RASGEF1B: variants seen among roughly 807,000 people sequenced by gnomAD.
RASGEF1B encodes RasGEF domain family member 1B.
RASGEF1B carries 30 observed loss-of-function variants against 65.7 expected under a neutral mutation model. That is an observed-to-expected ratio of 0.46 (90% confidence interval 0.34 to 0.62). The LOEUF (loss-of-function observed/expected upper bound fraction) is 0.62. Ranked by LOEUF, RASGEF1B falls within the 20% of genes least tolerant of loss-of-function variation. RASGEF1B has a pLI of 0.01. For synonymous variants in RASGEF1B, 175 were observed against 194.8 expected, an observed-to-expected ratio of 0.90 and a Z score of 0.85; for missense variants, 495 against 580.1, an observed-to-expected ratio of 0.85 and a Z score of 1.51.
chr4:81,435,676 C>T (rs565845848), intron 10 of RASGEF1B, among the ~76,000 whole-genome samples: 66 of 149,290 alleles, frequency 4.4e-4, no homozygotes, highest in East Asian at 3.6e-3. Context: ...AGGGTTTCAC[C>T]GTGTTAGCCA....
Position 81,459,491 on chromosome 4 carries a change from G to A in RASGEF1B, c.18C>T (p.Pro6=). The change falls in exon 2 of 14, where the codon CCC becomes CCT. Residue 6 remains proline, a synonymous_variant. Coordinates refer to ENST00000264400, the MANE Select transcript of RASGEF1B (RefSeq NM_152545.3). MPQTP[P]FSAMFDSSGY... is the part of the protein sequence containing the mutation. ...CACTGCTGTCAAACATTGCTGAAAA[G>A]GGAGGAGTCTGAGGCATACTTTCCT... is the stretch of plus-strand genomic sequence containing the variant. The A allele has an allele frequency of 6.2e-7, 1 of 1,600,806 alleles. No homozygotes were observed. The highest frequency in any genetic ancestry group is 2.2e-5 in the East Asian group (1 of 44,704).
At chr4:81,463,287 TAGAGATTCC>T (rs1186650872) in intron 1 of RASGEF1B, among the ~76,000 whole-genome samples, 1 of 152,182 alleles carries the variant, frequency 6.6e-6, no homozygotes, top group Non-Finnish European at 1.5e-5. Flanking sequence ...CATCAAGACA[TAGAGATTCC>T]AGAGATTCCA....
rs951850826 is a variant in RASGEF1B, at chr4:81,433,008, T to C, written c.1325-637A>G. 2.0e-5 allele frequency among the ~76,000 whole-genome samples: 3 copies of C among 150,950 alleles called. No individual in the cohort carries two copies. In the South Asian group the frequency reaches 6.3e-4, roughly 31 times the overall value. ...GTGGGCAGATCATGTGACCCAATAG[T>C]TGGAGACCAGCCTGGGCAACACAGA... On this transcript the variant is annotated intron_variant, in intron 12 of 13. Coordinates refer to ENST00000264400, the MANE Select transcript of RASGEF1B (RefSeq NM_152545.3).
chr4:81,458,094 C>T (rs1459429521), intron 2 of RASGEF1B, among the ~76,000 whole-genome samples: 5 of 152,202 alleles, frequency 3.3e-5, no homozygotes, highest in Admixed American at 3.3e-4. Flanking sequence ...AACAATTCTC[C>T]ACTGTGTCTA....
chr4:81,444,264 C>G (rs6814080), intron 8 of RASGEF1B, among the ~76,000 whole-genome samples: 66,626 of 152,026 alleles, frequency 0.44, 18,242 homozygotes, highest in African/African-American at 0.79. Context: ...GTAGAAGAGG[C>G]AAATTAAGTA....
At chr4:81,457,720 T>C in intron 2 of RASGEF1B, 99 bp from the exon 3 acceptor site, 1 of 1,361,718 alleles carries the variant, frequency 7.3e-7, no homozygotes, top group East Asian at 2.3e-5. Flanking sequence ...CCTGATCAAG[T>C]TCATATGCTG....
Position 81,446,267 on chromosome 4 carries a change from T to C in RASGEF1B, c.730-429A>G, listed in dbSNP as rs560345615. On this transcript the variant is annotated intron_variant, in intron 6 of 13. Transcript: ENST00000264400. ...GGCAGGTGCCTGTAATCCCAGCTAC[T>C]TGGGAGGCTGAAGCAGGAAAATCGC... 3.3e-5 allele frequency among the ~76,000 whole-genome samples: 5 copies of C among 152,284 alleles called. No individual in the cohort carries two copies. The East Asian group carries it at 9.7e-4, about 29-fold the overall frequency.
chr4:81,455,125 T>A (rs1722397804), intron 4 of RASGEF1B: 1 of 152,224 alleles, frequency 6.6e-6, no homozygotes, highest in African/African-American at 2.4e-5. Context: ...CAACAATTAA[T>A]ATACTTCCCC....
Position 81,456,731 on chromosome 4 carries a change from T to A in RASGEF1B, c.358A>T (p.Thr120Ser). 6.2e-7 allele frequency: 1 copy of A among 1,614,054 alleles called. No homozygotes were observed. The highest frequency in any genetic ancestry group is 8.5e-7 in the Non-Finnish European group (1 of 1,179,906). The change falls in exon 4 of 14, where the codon ACA (threonine) becomes TCA (serine). Residue 120 changes from threonine (T) to serine (S), a missense_variant. By Grantham distance (58) the Thr-to-Ser change is moderately conservative (BLOSUM62 1). Transcript: ENST00000264400. ...TCATCCCGAAAATCATAGGGAAATG[T>A]TTCCGTCCATTCCGTGAGGAGTTGA... is the stretch of plus-strand genomic sequence containing the variant. ...ILQLLTEWTE[T>S]FPYDFRDERM...
intron 13 of RASGEF1B, among the ~76,000 whole-genome samples, 185 bp downstream of exon 13, chr4:81,432,114 T>A (rs993189623): frequency 1.3e-5 from 2 of 151,898 alleles, no homozygotes; most frequent in African/African-American, 4.8e-5. Context: ...ATAAAAAAAA[T>A]GAAAGACAAT....
chr4:81,457,453 C>A, intron 3 of RASGEF1B, 46 bp downstream of exon 3: 2 of 1,602,052 alleles, frequency 1.2e-6, no homozygotes, highest in Non-Finnish European at 1.7e-6. Context: ...AAATCTAAGC[C>A]ATAAAGTAAG....
intron 10 of RASGEF1B, among the ~76,000 whole-genome samples, chr4:81,440,523 T>C (rs1229086606): frequency 6.6e-6 from 1 of 152,228 alleles, no homozygotes; most frequent in African/African-American, 2.4e-5. Context: ...CATTAAACCA[T>C]TAAACTAAAT....
intron 5 of RASGEF1B, among the ~76,000 whole-genome samples, 178 bp from the exon 6 acceptor site, chr4:81,447,756 G>C (rs1343100803): frequency 5.9e-5 from 9 of 152,088 alleles, no homozygotes; most frequent in African/African-American, 2.2e-4. Flanking sequence ...TTTTCTGCTT[G>C]GGTCAATGTT....
chr4:81,448,616 C>G (rs1426046958), intron 4 of RASGEF1B, among the ~76,000 whole-genome samples: 2 of 152,120 alleles, frequency 1.3e-5, no homozygotes, highest in African/African-American at 4.8e-5. Flanking sequence ...TCTGTTCCAG[C>G]AAAGAAATAT....
chr4:81,429,950 A>C (rs1721364206), intron 13 of RASGEF1B, among the ~76,000 whole-genome samples: 1 of 152,208 alleles, frequency 6.6e-6, no homozygotes, highest in Non-Finnish European at 1.5e-5. Context: ...TGGGCCACTG[A>C]GTGGCCCCAC....
At position 81,448,219 on chromosome 4, in the gene RASGEF1B, G is replaced by A; in HGVS notation, c.504C>T (p.Ser168=). 6.2e-7 allele frequency: 1 copy of A among 1,613,772 alleles called. No homozygotes were observed. Among genetic ancestry groups the A allele is most frequent in the South Asian group, 1.1e-5 (1 of 91,060 alleles). ...TTTTTGCCAGGACTTCTTCGTACTG[G>A]CTGAGCGCAGCAAGCTTGCGGATCA... The part of the protein sequence containing the change: ...QCLIRKLAAL[S]QYEEVLAKIS... The change falls in exon 5 of 14, where the codon AGC becomes AGT. Residue 168 remains serine (S), a synonymous_variant. Coordinates refer to ENST00000264400, the MANE Select transcript of RASGEF1B (RefSeq NM_152545.3).
At chr4:81,467,175 C>T (rs1246188237) in intron 1 of RASGEF1B, among the ~76,000 whole-genome samples, 1 of 152,122 alleles carries the variant, frequency 6.6e-6, no homozygotes, top group African/African-American at 2.4e-5. Flanking sequence ...CGCAATGAAA[C>T]AGTGATATTA....
chr4:81,428,886 T>C (rs985901910), intron 13 of RASGEF1B, among the ~76,000 whole-genome samples: 5 of 152,264 alleles, frequency 3.3e-5, no homozygotes, highest in Admixed American at 3.3e-4. Context: ...TTAATCTTAG[T>C]ATCCACTTAA....
intron 12 of RASGEF1B, among the ~76,000 whole-genome samples, chr4:81,433,252 T>C (rs1169398952): frequency 6.6e-6 from 1 of 151,722 alleles, no homozygotes; most frequent in African/African-American, 2.4e-5. Context: ...AAAGTCATTA[T>C]TGTAAATACT....
Sources: allele counts gnomAD v4.1 joint callset (sites outside exome capture counted in the v4.1 genomes callset), GRCh38; gene constraint gnomAD v4.1.1; transcripts MANE v1.5; gene names NCBI Gene and HGNC (gene_info 2026-07-23, HGNC 2026-07-21).